The following ZNF507 variants were observed in gnomAD, a reference collection of about 807,000 sequenced individuals.
The protein encoded by ZNF507 is zinc finger protein 507.
A neutral mutation model predicts 80.0 loss-of-function variants in ZNF507; 29 were observed. The ratio of observed to expected loss-of-function variants is 0.36; its 90% CI spans 0.27 to 0.49. The LOEUF is 0.49. Among genes scored for constraint, ZNF507 ranks in the 20% least tolerant of loss-of-function variants. The probability of loss-of-function intolerance (pLI) is 0.98; values close to 1 mark genes in which losing one functional copy is unlikely to be tolerated. For synonymous variants in ZNF507, 462 were observed against 422.5 expected (o/e 1.09, Z -1.15); for missense variants, 1,081 against 1,152.2 (o/e 0.94, Z 0.90).
At chr19:32,346,995 A>G (rs889456333) in intron 1 of ZNF507, among the ~76,000 whole-genome samples, 1 of 152,230 alleles carries the variant, frequency 6.6e-6, no homozygotes, top group African/African-American at 2.4e-5. Flanking sequence ...TCTGAGGTAA[A>G]ACAAAATACA....
At chr19:32,357,519 C>T (rs1967268686) in intron 4 of ZNF507, 1 of 152,104 alleles carries the variant, frequency 6.6e-6, no homozygotes, top group African/African-American at 2.4e-5. Context: ...AATGTTTTAC[C>T]ATAATGTTTC....
intron 5 of ZNF507, among the ~76,000 whole-genome samples, chr19:32,377,863 C>G (rs1967571803): frequency 6.6e-6 from 1 of 152,122 alleles, no homozygotes; most frequent in Admixed American, 6.5e-5. Flanking sequence ...CTGACCTCAG[C>G]CAGGGGAGGA....
At chr19:32,359,909 G>C (rs539565152) in intron 4 of ZNF507, 2 of 152,174 alleles carry the variant, frequency 1.3e-5, no homozygotes, top group East Asian at 1.9e-4. Flanking sequence ...GGGTGAGAGT[G>C]GGGGAGAGAT....
intron 5 of ZNF507, among the ~76,000 whole-genome samples, chr19:32,370,173 G>A (rs1967451396): frequency 6.6e-6 from 1 of 152,218 alleles, no homozygotes; most frequent in African/African-American, 2.4e-5. Flanking sequence ...CACTTAGGTT[G>A]TTTCCATACC....
Position 32,360,593 on chromosome 19 carries a change from A to G in ZNF507, c.2335A>G (p.Ile779Val). 1 of 1,601,264 alleles carries G rather than the reference A, an allele frequency of 6.2e-7. No individual in the cohort carries two copies. The highest frequency in any genetic ancestry group is 8.5e-7 in the Non-Finnish European group (1 of 1,173,342). Residue 779 changes from isoleucine (I) to valine (V), a missense_variant, in exon 5 of 7, where the codon ATC becomes GTC. Physicochemically the swap from Ile to Val is conservative, Grantham distance 29. Coordinates refer to ENST00000355898, the MANE Select transcript of ZNF507 (RefSeq NM_001136156.2). ...TYVGVRNHRR[I>V]HNSDKPYRCS... The stretch of plus-strand genomic sequence containing the variant: ...TGTTGGTGTCAGAAACCACAGGCGA[A>G]TCCATAACTCTGATAAGCCGTACAG...
rs1159902073 is a variant in ZNF507 at position 32,386,789 on chromosome 19, CA to C, written c.*3707del. The C allele has an allele frequency of 1.3e-5, 2 of 152,542 alleles. No individual in the cohort carries two copies. The highest frequency in any genetic ancestry group is 2.9e-5 in the Non-Finnish European group (2 of 68,028). The allele number at this position is 152,542 out of a possible 1,614,324, so 9.4% of individuals were successfully genotyped here. A position where few individuals can be genotyped will look rare whatever the true frequency, so the allele number is the denominator to read the frequency against. On this transcript the variant is annotated 3_prime_UTR_variant, in exon 7 of 7. Transcript: ENST00000355898. Reference sequence around the variant, plus strand: ...TGTTAGAATAATTTATTTTGCTTTACAGGAGTTTGTCATGTATTGACTTTAA... The same window carrying C: ...TGTTAGAATAATTTATTTTGCTTTACGGAGTTTGTCATGTATTGACTTTAA...
chr19:32,361,744 CCTTCCTTTCCTTTT>C (rs1367482825), intron 5 of ZNF507, among the ~76,000 whole-genome samples: 5 of 145,510 alleles, frequency 3.4e-5, no homozygotes, highest in African/African-American at 1.3e-4. Flanking sequence ...CCTTTCCTTT[CCTTCCTTTCCTTTT>C]CTTCCCTCCC....
intron 2 of ZNF507, among the ~76,000 whole-genome samples, chr19:32,348,673 TTTTG>T (rs1299233075): frequency 6.6e-6 from 1 of 152,216 alleles, no homozygotes; most frequent in African/African-American, 2.4e-5. Context: ...GGGATACAAC[TTTTG>T]TTTATTACTT....
Position 32,383,746 on chromosome 19 carries a change from T to C in ZNF507, c.*663T>C, listed in dbSNP as rs979045038. 1 of 152,236 alleles carries C rather than the reference T, an allele frequency of 6.6e-6. No individual in the cohort carries two copies. Among genetic ancestry groups the C allele is most frequent in the Non-Finnish European group, 1.5e-5 (1 of 68,056 alleles). The allele number at this position is 152,236 out of a possible 1,614,324, so 9.4% of individuals were successfully genotyped here. On this transcript the variant is annotated 3_prime_UTR_variant, in exon 7 of 7. Coordinates refer to ENST00000355898, the MANE Select transcript of ZNF507 (RefSeq NM_001136156.2). ...GGCATTCAAGAAGTATTGTCTTAAA[T>C]TTACGATGAATTTCTTGTGAGCAGA... is the stretch of plus-strand genomic sequence containing the variant.
chr19:32,371,671 G>C (rs536106209), intron 5 of ZNF507, among the ~76,000 whole-genome samples: 2 of 138,908 alleles, frequency 1.4e-5, no homozygotes, highest in Admixed American at 7.7e-5. Flanking sequence ...ATGGAGTCTC[G>C]CTCTGTCGCC....
intron 3 of ZNF507, among the ~76,000 whole-genome samples, chr19:32,355,266 G>T (rs778946304): frequency 6.6e-6 from 1 of 151,972 alleles, no homozygotes; most frequent in Non-Finnish European, 1.5e-5. Context: ...ATTGACATAC[G>T]TTTGACTTAA....
intron 2 of ZNF507, among the ~76,000 whole-genome samples, chr19:32,350,979 A>G (rs1359214502): frequency 2.0e-5 from 3 of 152,210 alleles, no homozygotes; most frequent in Non-Finnish European, 4.4e-5. Flanking sequence ...TTTCTAAGGA[A>G]ACAAATTGTT....
chr19:32,368,266 C>T (rs1189190324), intron 5 of ZNF507, among the ~76,000 whole-genome samples: 1 of 152,178 alleles, frequency 6.6e-6, no homozygotes, highest in Non-Finnish European at 1.5e-5. Context: ...CCCATACAGT[C>T]TGGGGTCTCA....
At chr19:32,371,637 A>T (rs1253697585) in intron 5 of ZNF507, among the ~76,000 whole-genome samples, 16 of 88,342 alleles carry the variant, frequency 1.8e-4, no homozygotes, top group African/African-American at 3.6e-4. Flanking sequence ...TATTATTATT[A>T]TTATTATTTT....
intron 5 of ZNF507, among the ~76,000 whole-genome samples, chr19:32,375,354 A>G (rs565428910): frequency 4.4e-4 from 67 of 152,218 alleles, no homozygotes; most frequent in Non-Finnish European, 8.7e-4. Context: ...TGCAGAGGCC[A>G]AGAAACTCTT....
intron 5 of ZNF507, among the ~76,000 whole-genome samples, chr19:32,364,486 C>T (rs752379060): frequency 7.9e-5 from 12 of 152,098 alleles, no homozygotes; most frequent in East Asian, 1.9e-4. Context: ...CCTCGCCCTC[C>T]TCCCACTCTT....
intron 5 of ZNF507, among the ~76,000 whole-genome samples, chr19:32,363,261 T>G (rs563430218): frequency 6.6e-6 from 1 of 152,338 alleles, no homozygotes; most frequent in East Asian, 1.9e-4. Flanking sequence ...TTAAGAAACA[T>G]GCTCACAGGC....
chr19:32,381,598 ACT>A (rs1167437808), intron 5 of ZNF507, among the ~76,000 whole-genome samples: 1 of 152,102 alleles, frequency 6.6e-6, no homozygotes, highest in Non-Finnish European at 1.5e-5. Context: ...ACAGAGCAAG[ACT>A]CTATCTCAAA....
chr19:32,355,013 G>T (rs1967233582), intron 3 of ZNF507, 56 bp downstream of exon 3: 2 of 1,476,912 alleles, frequency 1.4e-6, no homozygotes, highest in Admixed American at 4.3e-5. Flanking sequence ...GAGTGAGAAG[G>T]GAACTTTGTA....
Sources: allele counts gnomAD v4.1 joint callset (sites outside exome capture counted in the v4.1 genomes callset), GRCh38; gene constraint gnomAD v4.1.1; transcripts MANE v1.5; gene names NCBI Gene and HGNC (gene_info 2026-07-23, HGNC 2026-07-21).